ESRRB: variants seen among roughly 807,000 people sequenced by gnomAD.
The protein encoded by ESRRB is estrogen related receptor beta, also known as steroid hormone receptor ERR2.
A neutral mutation model predicts 46.0 loss-of-function variants in ESRRB; 16 were observed. The observed-to-expected ratio is 0.35, with a 90% confidence interval of 0.24 to 0.53. The LOEUF (loss-of-function observed/expected upper bound fraction) is 0.53, where lower values mean the gene tolerates loss of function less well. Ranked by LOEUF, ESRRB falls within the 20% of genes least tolerant of loss-of-function variation. The probability of loss-of-function intolerance (pLI) is 0.93; values close to 1 mark genes in which losing one functional copy is unlikely to be tolerated. For synonymous variants in ESRRB, 246 were observed against 259.6 expected, an observed-to-expected ratio of 0.95 and a Z score of 0.50; for missense variants, 488 against 607.4, an observed-to-expected ratio of 0.80 and a Z score of 2.07.
At chr14:76,397,987 G>A (rs1885770042) in intron 1 of ESRRB, among the ~76,000 whole-genome samples, 1 of 152,216 alleles carries the variant, frequency 6.6e-6, no homozygotes. Flanking sequence ...TTTCATATCA[G>A]TGGGGAACAG....
chr14:76,455,541 A>G (rs74068662), intron 2 of ESRRB, among the ~76,000 whole-genome samples: 8,329 of 152,002 alleles, frequency 0.055, 729 homozygotes, highest in African/African-American at 0.19. Context: ...GACTTTTCTC[A>G]TGGGTTGTAT....
rs1168947570 is a variant in ESRRB, at chr14:76,482,827, A to T, written c.850+68A>T. ...AGCCGGTATCTCCGCAGCCTACCCAATGGCTGTGCTTCTGATGCCCGGATC... is the reference window on the plus strand; with the variant it reads ...AGCCGGTATCTCCGCAGCCTACCCATTGGCTGTGCTTCTGATGCCCGGATC... On this transcript the variant is annotated intron_variant, in intron 5 of 6. Transcript: ENST00000644823. The surrounding 1 kb of genome is among the most constrained non-coding windows in gnomAD (Gnocchi z 4.3). 31 of 1,577,142 alleles carry T rather than the reference A, an allele frequency of 2.0e-5. No individual in the cohort carries two copies. The highest frequency in any genetic ancestry group is 2.2e-4 in the Middle Eastern group (1 of 4,622).
chr14:76,431,695 C>T (rs988207595), intron 1 of ESRRB, among the ~76,000 whole-genome samples: 3 of 152,192 alleles, frequency 2.0e-5, no homozygotes, highest in Non-Finnish European at 4.4e-5. Flanking sequence ...GAAAATGATG[C>T]CCCAAGGGGC....
At chr14:76,434,501 AAT>A (rs1282523664) in intron 1 of ESRRB, among the ~76,000 whole-genome samples, 1 of 151,870 alleles carries the variant, frequency 6.6e-6, no homozygotes, top group African/African-American at 2.4e-5. Flanking sequence ...AAAAAAACAG[AAT>A]ACAAAAATTA....
chr14:76,319,416 C>T (rs541096607), intron 1 of ESRRB, among the ~76,000 whole-genome samples: 8 of 152,280 alleles, frequency 5.3e-5, no homozygotes, highest in African/African-American at 1.9e-4. Context: ...CAAATCCAGA[C>T]TTGTGACCAG....
At chr14:76,349,726 G>T (rs1169197522) in intron 1 of ESRRB, among the ~76,000 whole-genome samples, 2 of 152,160 alleles carry the variant, frequency 1.3e-5, no homozygotes, top group African/African-American at 4.8e-5. Flanking sequence ...ATTTTGTCTG[G>T]TTTTTCCCTG....
intron 1 of ESRRB, among the ~76,000 whole-genome samples, chr14:76,328,829 T>A (rs1465159138): frequency 6.6e-6 from 1 of 152,158 alleles, no homozygotes; most frequent in Non-Finnish European, 1.5e-5. Context: ...GAGTCCCAGT[T>A]ATGCACTGCT....
upstream of ESRRB, chr14:76,371,660 G>A (rs1371064667): frequency 6.6e-6 from 1 of 152,254 alleles, no homozygotes; most frequent in Non-Finnish European, 1.5e-5. Context: ...TCAGGAAAAT[G>A]GGGATGGGTG....
rs372520422 is a variant in ESRRB at position 76,498,256 on chromosome 14, A to G, written c.1163A>G (p.Gln388Arg). 3 of 1,613,514 alleles carry G rather than the reference A, an allele frequency of 1.9e-6. No individual in the cohort carries two copies. The African/African-American group carries it at 4.0e-5, about 22-fold the overall frequency. Residue 388 changes from glutamine to arginine, a missense_variant, in exon 7 of 7, where the codon CAG (glutamine) becomes CGG (arginine). By Grantham distance (43) the Gln-to-Arg change is conservative. Coordinates refer to ENST00000644823, the MANE Select transcript of ESRRB (RefSeq NM_001379180.1). Reference protein sequence around the residue: ...IEDLEAVQKLQDLLHEALQDY... With the variant: ...IEDLEAVQKLRDLLHEALQDY... Reference sequence around the variant, plus strand: ...GATCTAGAGGCTGTCCAGAAGCTGCAGGACCTGCTGCACGAGGCACTGCAG... The same window carrying G: ...GATCTAGAGGCTGTCCAGAAGCTGCGGGACCTGCTGCACGAGGCACTGCAG...
intron 5 of ESRRB, among the ~76,000 whole-genome samples, chr14:76,484,031 T>C (rs1218597536): frequency 2.0e-5 from 3 of 152,170 alleles, no homozygotes; most frequent in Non-Finnish European, 4.4e-5. Context: ...TTTTTTTGTA[T>C]TTTTAGTAGA....
intron 1 of ESRRB, among the ~76,000 whole-genome samples, chr14:76,405,739 C>T (rs1274869900): frequency 1.3e-5 from 2 of 150,964 alleles, no homozygotes; most frequent in Non-Finnish European, 3.0e-5. Flanking sequence ...GGCAACAGAG[C>T]GAGACTCTGT....
At chr14:76,322,834 G>A (rs1171949105) in intron 1 of ESRRB, among the ~76,000 whole-genome samples, 3 of 152,154 alleles carry the variant, frequency 2.0e-5, no homozygotes, top group Non-Finnish European at 4.4e-5. Context: ...CACGCAATCC[G>A]CCCACCTTGG....
At chr14:76,474,868 C>T (rs1889512704) in intron 3 of ESRRB, among the ~76,000 whole-genome samples, 4 of 151,532 alleles carry the variant, frequency 2.6e-5, no homozygotes, top group African/African-American at 7.3e-5. Flanking sequence ...TATGTAATCA[C>T]CATCAGACCA....
upstream of ESRRB, among the ~76,000 whole-genome samples, chr14:76,368,028 C>T (rs1328526513): frequency 6.7e-6 from 1 of 149,340 alleles, no homozygotes; most frequent in Non-Finnish European, 1.5e-5. Context: ...TCTCAGCTCA[C>T]TGAAGTCCCC....
intron 2 of ESRRB, among the ~76,000 whole-genome samples, chr14:76,460,800 C>T (rs1437569976): frequency 2.0e-5 from 3 of 151,486 alleles, no homozygotes; most frequent in Non-Finnish European, 4.4e-5. Context: ...CTCATGGGTT[C>T]AAGTGATTCT....
At chr14:76,388,864 C>T (rs539051124) in intron 1 of ESRRB, among the ~76,000 whole-genome samples, 10 of 152,186 alleles carry the variant, frequency 6.6e-5, no homozygotes, top group Non-Finnish European at 1.3e-4. Flanking sequence ...TCCTTGCCTT[C>T]CCATCATTCT....
At chr14:76,468,211 A>G (rs1889203935) in intron 3 of ESRRB, among the ~76,000 whole-genome samples, 1 of 152,142 alleles carries the variant, frequency 6.6e-6, no homozygotes, top group Non-Finnish European at 1.5e-5. Flanking sequence ...TGGCCCTGTG[A>G]ATGAAGAAAG....
intron 1 of ESRRB, among the ~76,000 whole-genome samples, chr14:76,423,392 C>T (rs1367557810): frequency 6.6e-6 from 1 of 152,188 alleles, no homozygotes; most frequent in Admixed American, 6.5e-5. Flanking sequence ...GATCTGCTCA[C>T]TTTGGCTTCC....
intron 1 of ESRRB, among the ~76,000 whole-genome samples, chr14:76,330,939 A>C (rs1320233394): frequency 7.2e-5 from 11 of 152,158 alleles, no homozygotes. Flanking sequence ...CAATAGCAGT[A>C]GCAACCCCTG....
Sources: gnomAD v4.1 joint callset for allele counts (sites outside exome capture counted in the v4.1 genomes callset) on GRCh38, gnomAD v4.1.1 for gene constraint, Gnocchi (gnomAD v3.1) non-coding constraint, MANE v1.5 for transcripts, NCBI Gene and HGNC (gene_info 2026-07-23, HGNC 2026-07-21) for gene names.